STXBP5: variants seen among roughly 807,000 people sequenced by gnomAD.
The protein encoded by STXBP5 is syntaxin-binding protein 5.
STXBP5 carries 50 observed loss-of-function variants against 152.4 expected under a neutral mutation model. That is an observed-to-expected ratio of 0.33 (90% CI 0.26 to 0.42). STXBP5 has a LOEUF of 0.42. STXBP5 is among the 10% of genes least tolerant of loss of function. STXBP5 has a pLI of 1.00. For synonymous variants in STXBP5, 492 were observed against 494.7 expected (o/e 0.99, Z 0.07); for missense variants, 1,167 against 1,388.6 (o/e 0.84, Z 2.54).
chr6:147,252,578 A>G (rs1182921898), intron 4 of STXBP5, among the ~76,000 whole-genome samples: 1 of 152,160 alleles, frequency 6.6e-6, no homozygotes, highest in African/African-American at 2.4e-5. Context: ...GGACTATATG[A>G]AAAGACCAAA....
chr6:147,361,038 T>C (rs1428453275), intron 23 of STXBP5, among the ~76,000 whole-genome samples: 1 of 152,192 alleles, frequency 6.6e-6, no homozygotes, highest in Non-Finnish European at 1.5e-5. Context: ...AGTTGTTAGA[T>C]TAAGGAAAAC....
chr6:147,338,322 A>T (rs1002030312), intron 19 of STXBP5, among the ~76,000 whole-genome samples: 5 of 152,080 alleles, frequency 3.3e-5, no homozygotes, highest in Non-Finnish European at 5.9e-5. Flanking sequence ...AGAAATATAT[A>T]GATAAAACAT....
chr6:147,262,040 G>T (rs1414672624), intron 5 of STXBP5, among the ~76,000 whole-genome samples: 1 of 151,794 alleles, frequency 6.6e-6, no homozygotes, highest in East Asian at 1.9e-4. Flanking sequence ...TGACTAAATT[G>T]AAGATTCTTT....
chr6:147,367,035 C>G (rs978352906), intron 25 of STXBP5, among the ~76,000 whole-genome samples: 1 of 152,074 alleles, frequency 6.6e-6, no homozygotes, highest in African/African-American at 2.4e-5. Flanking sequence ...GACATACATA[C>G]CAGAATTGGC....
chr6:147,248,364 A>G (rs1778917908), intron 4 of STXBP5, among the ~76,000 whole-genome samples: 1 of 152,160 alleles, frequency 6.6e-6, no homozygotes, highest in Admixed American at 6.5e-5. Flanking sequence ...AATAGCTTAC[A>G]TTAAAGTAGA....
At chr6:147,325,370 C>G (rs535187207) in intron 17 of STXBP5, among the ~76,000 whole-genome samples, 1 of 152,104 alleles carries the variant, frequency 6.6e-6, no homozygotes, top group Admixed American at 6.5e-5. Flanking sequence ...TAAATATACT[C>G]CCAGAAATAA....
intron 21 of STXBP5, among the ~76,000 whole-genome samples, chr6:147,346,480 T>C (rs1188811130): frequency 6.6e-6 from 1 of 152,152 alleles, no homozygotes; most frequent in African/African-American, 2.4e-5. Context: ...GGCTCATGCC[T>C]GTAATCCTAG....
At chr6:147,232,501 C>T (rs1778055354) in intron 2 of STXBP5, among the ~76,000 whole-genome samples, 1 of 151,748 alleles carries the variant, frequency 6.6e-6, no homozygotes, top group African/African-American at 2.4e-5. Context: ...TTTTCTTCTA[C>T]TGCATAGGGC....
chr6:147,318,300 C>A (rs1441141229), intron 16 of STXBP5, among the ~76,000 whole-genome samples: 2 of 152,114 alleles, frequency 1.3e-5, no homozygotes, highest in African/African-American at 4.8e-5. Flanking sequence ...TAAAGGCCAG[C>A]CTGATAGGTG....
chr6:147,240,936 G>A (rs1778510199), intron 4 of STXBP5, among the ~76,000 whole-genome samples: 1 of 152,100 alleles, frequency 6.6e-6, no homozygotes, highest in South Asian at 2.1e-4. Flanking sequence ...TTTTGACATA[G>A]TAGGTACTTA....
chr6:147,233,546 G>T (rs988121471), intron 2 of STXBP5, among the ~76,000 whole-genome samples: 1 of 151,530 alleles, frequency 6.6e-6, no homozygotes, highest in African/African-American at 2.4e-5. Flanking sequence ...CATTGATTCC[G>T]ATCTGGTCTC....
At chr6:147,380,313 CATAA>C (rs1786020259) in intron 26 of STXBP5, among the ~76,000 whole-genome samples, 1 of 151,452 alleles carries the variant, frequency 6.6e-6, no homozygotes, top group Non-Finnish European at 1.5e-5. Flanking sequence ...CATAAAGATA[CATAA>C]ATAGAGTTGA....
intron 7 of STXBP5, 46 bp downstream of exon 7, chr6:147,267,213 T>G (rs1183636754): frequency 6.7e-7 from 1 of 1,482,832 alleles, no homozygotes; most frequent in Non-Finnish European, 9.1e-7. Flanking sequence ...TTCTCTCATA[T>G]AAAGCAGTTT....
intron 9 of STXBP5, among the ~76,000 whole-genome samples, chr6:147,298,474 A>T (rs1459880125): frequency 2.6e-5 from 4 of 152,088 alleles, no homozygotes; most frequent in Non-Finnish European, 5.9e-5. Context: ...TGCAATGTAG[A>T]CGAAGTGGAT....
chr6:147,314,430 CT>C, intron 13 of STXBP5, 99 bp downstream of exon 13: 1 of 1,317,200 alleles, frequency 7.6e-7, no homozygotes, highest in Non-Finnish European at 1.1e-6. Context: ...TAGAGCTTTC[CT>C]TTATGTCGTA....
chr6:147,360,370 C>T (rs1004529038), intron 23 of STXBP5, among the ~76,000 whole-genome samples: 6 of 152,158 alleles, frequency 3.9e-5, no homozygotes, highest in African/African-American at 1.4e-4. Context: ...CGGCACTATT[C>T]ACAATAGCAA....
intron 20 of STXBP5, 45 bp downstream of exon 20, chr6:147,339,283 A>G: frequency 6.6e-7 from 1 of 1,510,234 alleles, no homozygotes; most frequent in African/African-American, 1.4e-5. Flanking sequence ...TGTTTAATTT[A>G]TTTAGTTTAC....
intron 4 of STXBP5, among the ~76,000 whole-genome samples, chr6:147,254,537 C>G (rs1229897272): frequency 6.6e-6 from 1 of 152,142 alleles, no homozygotes; most frequent in Non-Finnish European, 1.5e-5. Context: ...TTTTTGCAAT[C>G]TATCCATCTG....
At chr6:147,229,286 C>T (rs1777878811) in intron 2 of STXBP5, among the ~76,000 whole-genome samples, 1 of 151,696 alleles carries the variant, frequency 6.6e-6, no homozygotes, top group Admixed American at 6.6e-5. Context: ...AAATTCATTG[C>T]CTTTTTTTTA....
Sources: allele counts gnomAD v4.1 joint callset (sites outside exome capture counted in the v4.1 genomes callset), GRCh38; gene constraint gnomAD v4.1.1; transcripts MANE v1.5; gene names NCBI Gene and HGNC (gene_info 2026-07-23, HGNC 2026-07-21).